COBLL1: variants seen among roughly 807,000 people sequenced by gnomAD.
COBLL1 encodes the protein cordon-bleu protein-like 1.
A neutral mutation model predicts 94.8 loss-of-function variants in COBLL1; 50 were observed. The observed-to-expected ratio is 0.53, with a 90% CI of 0.42 to 0.67. The LOEUF (loss-of-function observed/expected upper bound fraction) is 0.67, where lower values mean the gene tolerates loss of function less well. Ranked by LOEUF, COBLL1 falls within the 30% of genes least tolerant of loss-of-function variation. The probability of loss-of-function intolerance (pLI) is 0.00; values close to 1 mark genes in which losing one functional copy is unlikely to be tolerated. For missense variants in COBLL1, 1,362 were observed against 1,348.7 expected, an observed-to-expected ratio of 1.01 and a Z score of -0.15; for synonymous variants, 448 against 473.8, an observed-to-expected ratio of 0.95 and a Z score of 0.71.
In COBLL1 at chr2:164,775,413, A is replaced by T. The variant is rs368819060; in HGVS notation, c.42-31538T>A. Among the ~76,000 whole-genome samples the T allele has an allele frequency of 2.0e-5, 3 of 152,194 alleles. No individual in the cohort carries two copies. The East Asian group carries it at 5.8e-4, about 29-fold the overall frequency. On this transcript the variant is annotated intron_variant, in intron 2 of 13. Transcript: ENST00000652658. ...TCCCTGAAAACAGACTCCTACGTGC[A>T]ATACATTCTGTTTTGTCTCTGTTGT...
chr2:164,744,278 T>C (rs1260285541), intron 2 of COBLL1, among the ~76,000 whole-genome samples: 1 of 152,166 alleles, frequency 6.6e-6, no homozygotes, highest in Non-Finnish European at 1.5e-5. Context: ...AACTCTTACC[T>C]TTGGGCCCTT....
intron 2 of COBLL1, among the ~76,000 whole-genome samples, chr2:164,753,719 G>C (rs1484933318): frequency 6.7e-6 from 1 of 150,250 alleles, no homozygotes. Context: ...AAGTATATTT[G>C]GGATAAGTTG....
In COBLL1 at chr2:164,760,967, C is replaced by T. The variant is rs577582411; in HGVS notation, c.42-17092G>A. Among the ~76,000 whole-genome samples, 8 of 152,240 alleles carry T rather than the reference C, an allele frequency of 5.3e-5. No individual in the cohort carries two copies. The East Asian group carries it at 1.5e-3, about 29-fold the overall frequency. On this transcript the variant is annotated intron_variant, in intron 2 of 13. Coordinates refer to ENST00000652658, the MANE Select transcript of COBLL1 (RefSeq NM_001365672.2). ...CAAAGATATTGGAAAAAATGATGATCCCCATCAATAACTGTTGTTCTATTT... is the reference window on the plus strand; with the variant it reads ...CAAAGATATTGGAAAAAATGATGATTCCCATCAATAACTGTTGTTCTATTT...
In COBLL1 at chr2:164,784,926, T is replaced by C. The variant is rs573004050; in HGVS notation, c.42-41051A>G. ...AGAAACATAATTTCTAATGTGACCG[T>C]GTTGGGAGGTGGGGCCTAATGAGAG... is the stretch of plus-strand genomic sequence containing the variant. On this transcript the variant is annotated intron_variant, in intron 2 of 13. Transcript: ENST00000652658. 9.2e-5 allele frequency among the ~76,000 whole-genome samples: 14 copies of C among 152,134 alleles called. No individual in the cohort carries two copies. In the East Asian group the frequency reaches 2.3e-3, roughly 25 times the overall value.
intron 1 of COBLL1, among the ~76,000 whole-genome samples, chr2:164,668,479 A>G (rs1691199751): frequency 6.6e-6 from 1 of 152,204 alleles, no homozygotes; most frequent in Non-Finnish European, 1.5e-5. Context: ...GTCAGAACAC[A>G]TACAACATTT....
At chr2:164,782,469 T>C (rs1688763062) in intron 2 of COBLL1, among the ~76,000 whole-genome samples, 1 of 152,032 alleles carries the variant, frequency 6.6e-6, no homozygotes, top group East Asian at 1.9e-4. Flanking sequence ...GGTGACATCA[T>C]ATTATTCACA....
rs778890399 is a variant in COBLL1, at chr2:164,695,433, G to T, written c.1959C>A (p.Thr653=). The part of the protein sequence containing the change: ...SCLSSQDSVN[T]SREFRSQGTL... ...TGCCTTGACTCCTGAATTCCCTTGA[G>T]GTATTTACAGAATCTTGTGAACTTA... Residue 653 remains threonine, a synonymous_variant, in exon 12 of 14, where the codon ACC becomes ACA. Transcript: ENST00000652658. 6.2e-7 allele frequency: 1 copy of T among 1,613,634 alleles called. No individual in the cohort carries two copies. The highest frequency in any genetic ancestry group is 8.5e-7 in the Non-Finnish European group (1 of 1,179,894).
intron 3 of COBLL1, 107 bp from the exon 4 acceptor site, chr2:164,730,222 C>T: frequency 1.0e-6 from 1 of 1,002,070 alleles, no homozygotes. Flanking sequence ...GGAAAAGCAG[C>T]TTAAATATTG....
chr2:164,841,942 C>T (rs1016166446), upstream of COBLL1: 2 of 1,531,286 alleles, frequency 1.3e-6, no homozygotes, highest in East Asian at 4.9e-5. The surrounding 1 kb of genome is among the most constrained non-coding windows in gnomAD (Gnocchi z 5.5). Context: ...CGCTGGAGCC[C>T]GCTCTCTCAC....
At chr2:164,705,172 T>C in intron 7 of COBLL1, 67 bp from the exon 8 acceptor site, 1 of 1,299,682 alleles carries the variant, frequency 7.7e-7, no homozygotes, top group South Asian at 1.7e-5. Context: ...AGGAAGACAC[T>C]GAACTTTACG....
chr2:164,833,778 A>C (rs1201949745), intron 2 of COBLL1, among the ~76,000 whole-genome samples: 1 of 152,180 alleles, frequency 6.6e-6, no homozygotes, highest in Non-Finnish European at 1.5e-5. Context: ...ACTTCGCCAA[A>C]ATGCTCCAAA....
rs148298503 is a variant in COBLL1 at position 164,687,696 on chromosome 2, C to T, written c.3301-1664G>A. Reference sequence around the variant, plus strand: ...CTATAGAGGAAACAGGCTGCATACACCACCAAGGAAGCTGCTGTTTGCAGC... The same window carrying T: ...CTATAGAGGAAACAGGCTGCATACATCACCAAGGAAGCTGCTGTTTGCAGC... On this transcript the variant is annotated intron_variant, in intron 13 of 13. Coordinates refer to ENST00000652658, the MANE Select transcript of COBLL1 (RefSeq NM_001365672.2). 3.3e-3 allele frequency: 2,350 copies of T among 712,384 alleles called. 34 individuals carry two copies. Among genetic ancestry groups the T allele is most frequent in the South Asian group, 0.019 (1,223 of 65,412 alleles). The allele number at this position is 712,384 out of a possible 1,614,324, so 44.1% of individuals were successfully genotyped here.
rs1247056436 is a variant in COBLL1, at chr2:164,683,004, A to C, written c.*2942T>G. 7.5e-6 allele frequency: 1 copy of C among 133,954 alleles called. No individual in the cohort carries two copies. Among genetic ancestry groups the C allele is most frequent in the Non-Finnish European group, 1.6e-5 (1 of 63,122 alleles). 8.3% of individuals were successfully genotyped at this position (133,954 alleles called of 1,614,324 possible). On this transcript the variant is annotated 3_prime_UTR_variant, in exon 14 of 14. Coordinates refer to ENST00000652658, the MANE Select transcript of COBLL1 (RefSeq NM_001365672.2). ...CCTCCTTTCATGTTAAGAAACACAC[A>C]TACACACACACACACACACACACAC...
At chr2:164,740,887 G>T (rs74705882) in intron 3 of COBLL1, among the ~76,000 whole-genome samples, 3 of 149,702 alleles carry the variant, frequency 2.0e-5, no homozygotes, top group Non-Finnish European at 4.5e-5. Context: ...AGTTACACGA[G>T]GGGGGGAAAA....
intron 2 of COBLL1, among the ~76,000 whole-genome samples, chr2:164,660,894 C>T (rs1489954600): frequency 1.3e-5 from 2 of 151,932 alleles, no homozygotes; most frequent in African/African-American, 4.8e-5. Flanking sequence ...TGATTTAAAC[C>T]CTAATGGGAC....
At chr2:164,720,309 G>A (rs1685379678) in intron 7 of COBLL1, among the ~76,000 whole-genome samples, 1 of 152,014 alleles carries the variant, frequency 6.6e-6, no homozygotes, top group Admixed American at 6.5e-5. Flanking sequence ...CACAGGGGCA[G>A]CAACTGGTCA....
At chr2:164,818,545 ATG>A (rs1427506309) in intron 2 of COBLL1, among the ~76,000 whole-genome samples, 2 of 148,640 alleles carry the variant, frequency 1.3e-5, no homozygotes, top group Admixed American at 1.4e-4. Flanking sequence ...ATTTACATAT[ATG>A]TGTACATATG....
chr2:164,735,527 G>T (rs1686252500), intron 3 of COBLL1, among the ~76,000 whole-genome samples: 2 of 151,844 alleles, frequency 1.3e-5, no homozygotes, highest in Admixed American at 1.3e-4. Context: ...AGATTTTGAG[G>T]TTGGGAATTA....
chr2:164,783,284 G>A (rs532630565), intron 2 of COBLL1, among the ~76,000 whole-genome samples: 4 of 152,236 alleles, frequency 2.6e-5, no homozygotes, highest in South Asian at 4.1e-4. Context: ...GTGGTGACAC[G>A]TGCTTGTGGT....
Sources: allele counts gnomAD v4.1 joint callset (sites outside exome capture counted in the v4.1 genomes callset), GRCh38; gene constraint gnomAD v4.1.1; non-coding constraint Gnocchi (gnomAD v3.1); transcripts MANE v1.5; gene names NCBI Gene and HGNC (gene_info 2026-07-23, HGNC 2026-07-21).